The following WDR7 variants were observed in gnomAD, a reference collection of about 807,000 sequenced individuals.
WDR7 encodes the protein WD repeat domain 7, also known as WD repeat-containing protein 7.
In WDR7, 46 loss-of-function variants were observed where a neutral mutation model predicts 169.4. That is an observed-to-expected ratio of 0.27 (90% CI 0.21 to 0.35). WDR7 has a LOEUF of 0.35. Ranked by LOEUF, WDR7 falls within the 10% of genes least tolerant of loss-of-function variation. The pLI, the probability that WDR7 is intolerant of heterozygous loss-of-function variation, is 1.00. For synonymous variants in WDR7, 612 were observed against 666.8 expected (o/e 0.92, Z 1.27); for missense variants, 1,534 against 1,859.3 (o/e 0.83, Z 3.22).
At chr18:56,894,096 A>G (rs767258330) in intron 21 of WDR7, among the ~76,000 whole-genome samples, 3 of 151,986 alleles carry the variant, frequency 2.0e-5, no homozygotes, top group African/African-American at 4.8e-5. Flanking sequence ...AGTATATCTT[A>G]TTGGGTCTAC....
chr18:56,784,504 C>A (rs2044364959), intron 19 of WDR7, among the ~76,000 whole-genome samples: 1 of 152,154 alleles, frequency 6.6e-6, no homozygotes, highest in African/African-American at 2.4e-5. Context: ...GAATTTAGCT[C>A]CCACTTATAA....
chr18:56,734,630 C>T (rs1440468160), intron 14 of WDR7, among the ~76,000 whole-genome samples: 3 of 151,912 alleles, frequency 2.0e-5, no homozygotes, highest in African/African-American at 7.3e-5. Context: ...TTCCTCAGGA[C>T]AGTGAAGCCA....
chr18:56,688,044 C>T (rs2025479169), intron 7 of WDR7, among the ~76,000 whole-genome samples: 2 of 152,176 alleles, frequency 1.3e-5, no homozygotes, highest in South Asian at 2.1e-4. Context: ...GACTGCTTAC[C>T]ACAGGAGGAC....
At position 56,744,266 on chromosome 18, in the gene WDR7, AAAAG is replaced by A. The variant is rs1397849390; in HGVS notation, c.1990-12311_1990-12308del. Among the ~76,000 whole-genome samples, 503 of 126,208 alleles carry A rather than the reference AAAAG, an allele frequency of 4.0e-3. 16 individuals are homozygous for A. The highest frequency in any genetic ancestry group is 0.021 in the East Asian group (49 of 2,280). 82.8% of individuals were successfully genotyped at this position (126,208 alleles called of 152,430 possible). A position where few individuals can be genotyped will look rare whatever the true frequency, so the allele number is the denominator to read the frequency against. On this transcript the variant is annotated intron_variant, in intron 14 of 27. Coordinates refer to ENST00000254442, the MANE Select transcript of WDR7 (RefSeq NM_015285.3). ...AAAAGAAAAAAAAAAAAAAAAAAAA[AAAAG>A]AAAGAGCACAGGCTGGGTGTCTGGA...
At chr18:56,981,901 C>T (rs1478966397) in intron 26 of WDR7, among the ~76,000 whole-genome samples, 1 of 152,108 alleles carries the variant, frequency 6.6e-6, no homozygotes, top group Non-Finnish European at 1.5e-5. Flanking sequence ...GGATATTTCA[C>T]TACTACAGGA....
At chr18:56,909,125 T>TTA (rs2046519816) in intron 21 of WDR7, among the ~76,000 whole-genome samples, 1 of 152,156 alleles carries the variant, frequency 6.6e-6, no homozygotes, top group Non-Finnish European at 1.5e-5. Context: ...ATGAGGAAAC[T>TTA]TATACCCAGT....
chr18:56,823,509 C>A (rs1359606297), intron 20 of WDR7, among the ~76,000 whole-genome samples: 1 of 152,118 alleles, frequency 6.6e-6, no homozygotes, highest in African/African-American at 2.4e-5. Context: ...TCGCTTGAAC[C>A]CAGGAGGCGG....
intron 26 of WDR7, among the ~76,000 whole-genome samples, chr18:56,993,954 A>C (rs780167103): frequency 3.0e-4 from 46 of 151,974 alleles, no homozygotes; most frequent in Non-Finnish European, 5.7e-4. Context: ...ATTTGAATGG[A>C]ACAAGTGTCA....
chr18:56,922,805 A>G (rs1214213949), intron 21 of WDR7, among the ~76,000 whole-genome samples: 2 of 152,118 alleles, frequency 1.3e-5, no homozygotes, highest in Non-Finnish European at 2.9e-5. Context: ...TTCCATTTCA[A>G]TCCATTCTCA....
intron 19 of WDR7, among the ~76,000 whole-genome samples, chr18:56,808,113 G>C (rs1489175061): frequency 6.6e-6 from 1 of 152,174 alleles, no homozygotes; most frequent in Non-Finnish European, 1.5e-5. Context: ...GATAGAAGTG[G>C]TGTGAAGTGA....
intron 26 of WDR7, among the ~76,000 whole-genome samples, chr18:56,968,644 G>T (rs920802078): frequency 1.3e-5 from 2 of 152,130 alleles, no homozygotes; most frequent in African/African-American, 4.8e-5. Flanking sequence ...CTCTAATCCC[G>T]TATAGAGCAG....
intron 26 of WDR7, among the ~76,000 whole-genome samples, chr18:56,994,275 C>T (rs1314632162): frequency 6.6e-6 from 1 of 152,136 alleles, no homozygotes; most frequent in East Asian, 1.9e-4. Flanking sequence ...TTGCCTGCCT[C>T]AGCCTCCCAA....
intron 14 of WDR7, among the ~76,000 whole-genome samples, chr18:56,743,193 C>A (rs185608302): frequency 1.3e-5 from 2 of 151,958 alleles, no homozygotes; most frequent in Non-Finnish European, 2.9e-5. Context: ...AGGTTTTGTC[C>A]GGGATGATGA....
chr18:56,904,574 A>G (rs2046451046), intron 21 of WDR7, among the ~76,000 whole-genome samples: 1 of 152,134 alleles, frequency 6.6e-6, no homozygotes, highest in Non-Finnish European at 1.5e-5. Flanking sequence ...GGTTTTTACA[A>G]TTATTGCCCC....
intron 13 of WDR7, among the ~76,000 whole-genome samples, chr18:56,719,030 G>A (rs1436279508): frequency 6.6e-6 from 1 of 152,212 alleles, no homozygotes; most frequent in East Asian, 1.9e-4. Flanking sequence ...TTAACTGGTA[G>A]TACATAGGCA....
intron 26 of WDR7, among the ~76,000 whole-genome samples, chr18:56,975,192 C>T (rs556339385): frequency 5.2e-4 from 79 of 151,408 alleles, no homozygotes; most frequent in African/African-American, 1.7e-3. Context: ...GCTGAGATCA[C>T]GCCACTGCAC....
intron 19 of WDR7, among the ~76,000 whole-genome samples, chr18:56,797,618 T>G (rs910424488): frequency 6.6e-6 from 1 of 152,088 alleles, no homozygotes; most frequent in African/African-American, 2.4e-5. Flanking sequence ...ATTAAGATAT[T>G]CTGATTTCAA....
chr18:56,971,281 CA>C (rs35114589), intron 26 of WDR7, among the ~76,000 whole-genome samples: 2,474 of 102,956 alleles, frequency 0.024, 59 homozygotes, highest in African/African-American at 0.067. Flanking sequence ...TTCTGTCTCC[CA>C]AAAAAAAAAA....
chr18:56,828,467 G>A lies in WDR7; in HGVS notation c.3304+12323G>A, dbSNP rs1362702608. Reference sequence around the variant, plus strand: ...ACAAGCTTTCCGAATGTTCTGATGTGGCCATTTAGTTGACAGTCATTACTA... The same window carrying A: ...ACAAGCTTTCCGAATGTTCTGATGTAGCCATTTAGTTGACAGTCATTACTA... On this transcript the variant is annotated intron_variant, in intron 20 of 27. Transcript: ENST00000254442. Among the ~76,000 whole-genome samples the A allele has an allele frequency of 2.6e-5, 4 of 152,064 alleles. No individual in the cohort carries two copies. The East Asian group carries it at 7.7e-4, about 29-fold the overall frequency.
Sources: allele counts gnomAD v4.1 joint callset (sites outside exome capture counted in the v4.1 genomes callset), GRCh38; gene constraint gnomAD v4.1.1; transcripts MANE v1.5; gene names NCBI Gene and HGNC (gene_info 2026-07-23, HGNC 2026-07-21).